DNM1L: variants seen among roughly 807,000 people sequenced by gnomAD.
DNM1L encodes dynamin-1-like protein.
In DNM1L, 33 loss-of-function variants were observed where a neutral mutation model predicts 92.8. The ratio of observed to expected loss-of-function variants is 0.36; its 90% CI spans 0.27 to 0.48. The LOEUF (loss-of-function observed/expected upper bound fraction) is 0.48. DNM1L is among the 20% of genes least tolerant of loss of function. DNM1L has a pLI of 0.99. For missense variants in DNM1L, 485 were observed against 888.8 expected (o/e 0.55, Z 5.78); for synonymous variants, 284 against 305.0 (o/e 0.93, Z 0.72).
At position 32,722,538 on chromosome 12, in the gene DNM1L, T is replaced by C. The variant is rs370882762; in HGVS notation, c.984T>C (p.Asp328=). 1 of 1,613,500 alleles carries C rather than the reference T, an allele frequency of 6.2e-7. No individual in the cohort carries two copies. The part of the protein sequence containing the change: ...LLNSYGEPVD[D]KSATLLQLIT... ...ATAGCTACGGTGAACCCGTGGATGA[T>C]AAAAGTGCTACTTTACTCCAACTTA... The change falls in exon 9 of 20, where the codon GAT becomes GAC. Residue 328 remains aspartate, a synonymous_variant. Transcript: ENST00000549701.
At chr12:32,737,281 A>G in intron 14 of DNM1L, 120 bp downstream of exon 14, 2 of 977,778 alleles carry the variant, frequency 2.0e-6, no homozygotes, top group Non-Finnish European at 3.2e-6. Context: ...CTCCATTGGA[A>G]CTAACTGAGT....
At chr12:32,740,543 C>T (rs200127419) in intron 18 of DNM1L, 25 bp downstream of exon 18, 73 of 1,560,718 alleles carry the variant, frequency 4.7e-5, no homozygotes, top group Middle Eastern at 3.4e-4. Context: ...ATATAAATGA[C>T]GGACTTTAAT....
At position 32,727,413 on chromosome 12, in the gene DNM1L, C is replaced by G. The variant is rs1954221508; in HGVS notation, c.1080-3601C>G. Reference sequence around the variant, plus strand: ...AAATATCAGTGGCTACTATGAGAAGCCAGGCGGCTGGAGCTGTGCAGGCAG... The same window carrying G: ...AAATATCAGTGGCTACTATGAGAAGGCAGGCGGCTGGAGCTGTGCAGGCAG... On this transcript the variant is annotated intron_variant, in intron 9 of 19. Transcript: ENST00000549701. 4.0e-6 allele frequency: 3 copies of G among 747,308 alleles called. No individual in the cohort carries two copies. In the South Asian group the frequency reaches 4.2e-5, roughly 11 times the overall value. 46.3% of individuals were successfully genotyped at this position (747,308 alleles called of 1,614,324 possible). A position where few individuals can be genotyped will look rare whatever the true frequency, so the allele number is the denominator to read the frequency against.
intron 1 of DNM1L, among the ~76,000 whole-genome samples, chr12:32,687,254 T>G (rs74704152): frequency 0.02 from 3,076 of 152,198 alleles, 102 homozygotes; most frequent in African/African-American, 0.071. Context: ...TTCCCCTAAT[T>G]ATTTTATAGT....
chr12:32,688,126 C>T (rs7304930), intron 1 of DNM1L, among the ~76,000 whole-genome samples: 23,411 of 151,722 alleles, frequency 0.15, 1,923 homozygotes, highest in Middle Eastern at 0.21. Context: ...GGTTTCACCA[C>T]GTTGGCAAGA....
At position 32,730,166 on chromosome 12, in the gene DNM1L, C is replaced by A. The variant is rs528897821; in HGVS notation, c.1080-848C>A. 4.6e-5 allele frequency among the ~76,000 whole-genome samples: 7 copies of A among 150,656 alleles called. No individual in the cohort carries two copies. In the East Asian group the frequency reaches 1.0e-3, roughly 22 times the overall value. The stretch of plus-strand genomic sequence containing the variant: ...AGATCACGAGGTCAAGAGATCAAGA[C>A]CATCCTGGCCAACGTGGTGAAACCC... On this transcript the variant is annotated intron_variant, in intron 9 of 19. Coordinates refer to ENST00000549701, the MANE Select transcript of DNM1L (RefSeq NM_012062.5).
rs945259764 is a variant in DNM1L, at chr12:32,714,737, A to G, written c.619+1366A>G. Reference sequence around the variant, plus strand: ...TCAGTGGCTCATGCCCGTAATACCAAGCACTTTGGGAGGCCAAGGTGGGTG... The same window carrying G: ...TCAGTGGCTCATGCCCGTAATACCAGGCACTTTGGGAGGCCAAGGTGGGTG... On this transcript the variant is annotated intron_variant, in intron 6 of 19. Coordinates refer to ENST00000549701, the MANE Select transcript of DNM1L (RefSeq NM_012062.5). 4.0e-5 allele frequency among the ~76,000 whole-genome samples: 6 copies of G among 151,886 alleles called. No individual in the cohort carries two copies. The East Asian group carries it at 1.2e-3, about 29-fold the overall frequency.
chr12:32,707,345 A>G (rs748802205), intron 2 of DNM1L, 22 bp from the exon 3 acceptor site: 4 of 1,598,012 alleles, frequency 2.5e-6, no homozygotes, highest in Non-Finnish European at 3.4e-6. Context: ...GTTTCCAATA[A>G]ATGAGTTTTT....
intron 6 of DNM1L, among the ~76,000 whole-genome samples, chr12:32,714,965 A>C (rs894559609): frequency 9.2e-5 from 14 of 152,044 alleles, no homozygotes; most frequent in Non-Finnish European, 1.6e-4. Context: ...ATGCCATTGC[A>C]CTCTTGCCTG....
chr12:32,685,283 A>G (rs1356320110), intron 1 of DNM1L, among the ~76,000 whole-genome samples: 1 of 151,094 alleles, frequency 6.6e-6, no homozygotes, highest in East Asian at 1.9e-4. Context: ...CTAAGCGTAG[A>G]CTTGCTGATT....
At chr12:32,691,418 T>C (rs1952229684) in intron 1 of DNM1L, among the ~76,000 whole-genome samples, 1 of 152,174 alleles carries the variant, frequency 6.6e-6, no homozygotes, top group African/African-American at 2.4e-5. Context: ...TTTGTATTTT[T>C]AGTAGAGACG....
chr12:32,708,282 T>G, intron 4 of DNM1L, 58 bp downstream of exon 4: 1 of 1,134,846 alleles, frequency 8.8e-7, no homozygotes, highest in Non-Finnish European at 1.3e-6. Context: ...AATTGAGGTA[T>G]TCTGTACATA....
chr12:32,699,124 A>G lies in DNM1L; in HGVS notation c.103-2291A>G, dbSNP rs552081719. ...GCCACAATGTTTAGAGTGGAGTATC[A>G]TGATTTCTGTAACTAACTCTCAAAT... On this transcript the variant is annotated intron_variant, in intron 1 of 19. Coordinates refer to ENST00000549701, the MANE Select transcript of DNM1L (RefSeq NM_012062.5). 2.5e-4 allele frequency among the ~76,000 whole-genome samples: 38 copies of G among 152,322 alleles called. No individual in the cohort carries two copies. In the South Asian group the frequency reaches 7.7e-3, roughly 31 times the overall value.
chr12:32,728,152 A>G (rs1954276781), intron 9 of DNM1L: 2 of 152,356 alleles, frequency 1.3e-5, no homozygotes, highest in Admixed American at 6.5e-5. Flanking sequence ...TAACTATAGT[A>G]CAATAACAAA....
intron 2 of DNM1L, among the ~76,000 whole-genome samples, chr12:32,704,197 T>G (rs1952826683): frequency 6.6e-6 from 1 of 152,130 alleles, no homozygotes; most frequent in African/African-American, 2.4e-5. Flanking sequence ...AAAAAAAAAT[T>G]TATTTTGGGG....
At position 32,742,729 on chromosome 12, in the gene DNM1L, A is replaced by C. The variant is rs759154998; in HGVS notation, c.2135A>C (p.Glu712Ala). 20 of 1,613,986 alleles carry C rather than the reference A, an allele frequency of 1.2e-5. No homozygotes were observed. The highest frequency in any genetic ancestry group is 3.3e-5 in the South Asian group (3 of 91,084). Residue 712 changes from glutamate (E) to alanine (A), a missense_variant, in exon 19 of 20, where the codon GAA becomes GCA. Around this residue, in one of 11 missense-constraint regions of DNM1L, gnomAD observed 133 missense variants for 210.9 expected, o/e 0.63. Transcript: ENST00000549701. ...GAGGACATGGCACAGCGCAGGAAAG[A>C]AGCAGCTGATATGCTAAAGGTATTG... is the stretch of plus-strand genomic sequence containing the variant. ...ESEDMAQRRK[E>A]AADMLKALQG...
intron 8 of DNM1L, 125 bp downstream of exon 8, chr12:32,720,920 T>C (rs1378231375): frequency 4.0e-6 from 5 of 1,253,442 alleles, no homozygotes; most frequent in African/African-American, 1.5e-5. Context: ...GTTTCTTATA[T>C]AGTAGGTTCC....
chr12:32,737,029 A>G, intron 13 of DNM1L, 76 bp from the exon 14 acceptor site: 12 of 1,508,416 alleles, frequency 8.0e-6, no homozygotes, highest in Non-Finnish European at 1.1e-5. Flanking sequence ...ACACTTTTCA[A>G]TTAACATGAA....
chr12:32,711,274 T>G (rs1352936054), intron 5 of DNM1L: 2 of 419,782 alleles, frequency 4.8e-6, no homozygotes, highest in East Asian at 9.5e-5. Flanking sequence ...GTCTAAACAG[T>G]AAGTGCCCCA....
Sources: allele counts gnomAD v4.1 joint callset (sites outside exome capture counted in the v4.1 genomes callset), GRCh38; gene constraint gnomAD v4.1.1; regional missense constraint gnomAD v4.1.1; transcripts MANE v1.5; gene names NCBI Gene and HGNC (gene_info 2026-07-23, HGNC 2026-07-21).